The following CPNE7 variants were observed in gnomAD, a reference collection of about 807,000 sequenced individuals.
The protein encoded by CPNE7 is copine-7.
In CPNE7, 78 loss-of-function variants were observed where a neutral mutation model predicts 66.5. That is an observed-to-expected ratio of 1.17 (90% CI 0.98 to 1.42). The LOEUF is 1.42. Among genes scored for constraint, CPNE7 ranks in the 40% most tolerant of loss-of-function variants. The pLI is 0.00. For synonymous variants in CPNE7, 468 were observed against 336.7 expected (o/e 1.39, Z -4.27); for missense variants, 1,012 against 776.6 (o/e 1.30, Z -3.60).
intron 2 of CPNE7, among the ~76,000 whole-genome samples, chr16:89,582,869 T>C (rs976717730): frequency 2.0e-5 from 3 of 152,244 alleles, no homozygotes; most frequent in African/African-American, 7.2e-5. Context: ...CGATGGTTGC[T>C]GAGATCACTT....
chr16:89,584,025 C>T lies in CPNE7; in HGVS notation c.433-3C>T. ...GCCTGGAGCCCGGGCGTCCCCCTGC[C>T]AGGTGATCGCCGAGGACATCTCGGG... is the stretch of plus-strand genomic sequence containing the variant. On this transcript the variant is annotated splice_region_variant and splice_polypyrimidine_tract_variant and intron_variant, in intron 3 of 14. Transcript: ENST00000319518. The surrounding 1 kb of genome is among the most constrained non-coding windows in gnomAD (Gnocchi z 6.0). 3 of 1,611,954 alleles carry T rather than the reference C, an allele frequency of 1.9e-6. No homozygotes were observed. The highest frequency in any genetic ancestry group is 2.5e-6 in the Non-Finnish European group (3 of 1,179,572).
chr16:89,578,427 T>A (rs189468721), intron 2 of CPNE7, among the ~76,000 whole-genome samples: 2 of 152,244 alleles, frequency 1.3e-5, no homozygotes, highest in African/African-American at 4.8e-5. Context: ...GCGTTTTCAC[T>A]TCCACGACGT....
rs1567968990 is a variant in CPNE7, at chr16:89,595,609, T to C, written c.1539+6T>C. 6.3e-7 allele frequency: 1 copy of C among 1,595,478 alleles called. No individual in the cohort carries two copies. Among genetic ancestry groups the C allele is most frequent in the Admixed American group, 1.7e-5 (1 of 59,216 alleles). On this transcript the variant is annotated splice_donor_region_variant and intron_variant, in intron 14 of 14. Transcript: ENST00000319518. The stretch of plus-strand genomic sequence containing the variant: ...CCTTCCGGGAGCTCAAGAACGTGAG[T>C]GTCCTGGAGGGGCTCCGTCAAGGCC...
chr16:89,592,824 T>TC lies in CPNE7; in HGVS notation c.1302+1564_1302+1565insC, dbSNP rs1307428504. Among the ~76,000 whole-genome samples the TC allele has an allele frequency of 9.7e-4, 143 of 147,970 alleles. 3 individuals are homozygous for TC. The highest frequency in any genetic ancestry group is 3.4e-3 in the Middle Eastern group (1 of 294). ...TTTTTTCTTTTCTTTTTTTTTTTTT[T>TC]TTTTTGAGATGGAGTTTTACTCTTG... On this transcript the variant is annotated intron_variant, in intron 13 of 14. Coordinates refer to ENST00000319518, the MANE Select transcript of CPNE7 (RefSeq NM_153636.3).
At chr16:89,583,856 G>A (rs1029926421) in intron 3 of CPNE7, 85 bp downstream of exon 3, 28 of 1,518,238 alleles carry the variant, frequency 1.8e-5, no homozygotes, top group African/African-American at 2.7e-5. Context: ...GGGCAGCAGC[G>A]TGCCGTCCAG....
At chr16:89,590,180 C>T (rs1319435580) in intron 11 of CPNE7, among the ~76,000 whole-genome samples, 1 of 152,212 alleles carries the variant, frequency 6.6e-6, no homozygotes, top group African/African-American at 2.4e-5. Flanking sequence ...CGTGTTCCTT[C>T]AGGAGATAGG....
Position 89,591,156 on chromosome 16 carries a change from A to C in CPNE7, c.1198A>C (p.Asn400His). ...CCAGGGCGTGGTGGAGGCCTACCAGAACTGCCTGCCCAGGGTCCAGCTCTA... is the reference window on the plus strand; with the variant it reads ...CCAGGGCGTGGTGGAGGCCTACCAGCACTGCCTGCCCAGGGTCCAGCTCTA... ...GIQGVVEAYQNCLPRVQLYGP... is the reference protein window; with the variant it reads ...GIQGVVEAYQHCLPRVQLYGP... The change falls in exon 13 of 15, where the codon AAC (asparagine) becomes CAC (histidine). Residue 400 changes from asparagine to histidine, a missense_variant. Coordinates refer to ENST00000319518, the MANE Select transcript of CPNE7 (RefSeq NM_153636.3). 1.9e-6 allele frequency: 3 copies of C among 1,609,742 alleles called. No individual in the cohort carries two copies. The highest frequency in any genetic ancestry group is 2.2e-5 in the South Asian group (2 of 90,686).
At chr16:89,591,758 GAT>G in intron 13 of CPNE7, among the ~76,000 whole-genome samples, 1 of 151,866 alleles carries the variant, frequency 6.6e-6, no homozygotes, top group African/African-American at 2.4e-5. Flanking sequence ...GGAGTGCAGT[GAT>G]GTGATCCCAG....
chr16:89,586,504 G>A (rs368927912), intron 7 of CPNE7, among the ~76,000 whole-genome samples, 166 bp from the exon 8 acceptor site: 36 of 151,832 alleles, frequency 2.4e-4, no homozygotes, highest in African/African-American at 5.6e-4. Context: ...CTTCATTCCC[G>A]TATGACCCAC....
intron 11 of CPNE7, among the ~76,000 whole-genome samples, chr16:89,590,211 C>T (rs1415084132): frequency 1.3e-5 from 2 of 152,232 alleles, no homozygotes; most frequent in Non-Finnish European, 2.9e-5. Context: ...AGTGTGGAAT[C>T]CTCTATTGCA....
chr16:89,590,224 TAAC>T (rs2059147308), intron 11 of CPNE7, among the ~76,000 whole-genome samples: 1 of 152,144 alleles, frequency 6.6e-6, no homozygotes, highest in Non-Finnish European at 1.5e-5. Flanking sequence ...CTATTGCACA[TAAC>T]AATTCAGCTA....
intron 2 of CPNE7, among the ~76,000 whole-genome samples, chr16:89,578,629 A>T (rs2058898265): frequency 6.7e-6 from 1 of 150,038 alleles, no homozygotes; most frequent in Non-Finnish European, 1.5e-5. Flanking sequence ...GCATGGTGGC[A>T]TGTGCCTGTA....
chr16:89,593,541 A>G (rs1017274141), intron 13 of CPNE7, among the ~76,000 whole-genome samples: 8 of 151,910 alleles, frequency 5.3e-5, no homozygotes, highest in Admixed American at 4.6e-4. Flanking sequence ...TTTAGTAGAG[A>G]CGGGGTTTCA....
rs751454708 is a variant in CPNE7 at position 89,588,666 on chromosome 16, C to T, written c.928-9C>T. The T allele has an allele frequency of 9.9e-6, 16 of 1,613,000 alleles. No homozygotes were observed. Among genetic ancestry groups the T allele is most frequent in the Non-Finnish European group, 1.4e-5 (16 of 1,179,916 alleles). ...CCCAGCACAGCTCCTGGCTCCCGGC[C>T]CACTGCAGGTGGCCATTGACTTCAC... On this transcript the variant is annotated splice_polypyrimidine_tract_variant and intron_variant, in intron 9 of 14. Transcript: ENST00000319518.
At chr16:89,589,989 C>G (rs778444903) in intron 11 of CPNE7, 38 bp downstream of exon 11, 5 of 1,609,198 alleles carry the variant, frequency 3.1e-6, no homozygotes, top group Non-Finnish European at 4.2e-6. Flanking sequence ...AGAGCTGTGC[C>G]CTTCTCGTGC....
intron 2 of CPNE7, among the ~76,000 whole-genome samples, chr16:89,583,141 G>A (rs1198613196): frequency 2.6e-5 from 4 of 152,222 alleles, no homozygotes; most frequent in African/African-American, 9.6e-5. Flanking sequence ...AGTCCACTTC[G>A]AACAATCAAC....
At chr16:89,582,357 A>T (rs1035601254) in intron 2 of CPNE7, among the ~76,000 whole-genome samples, 1 of 152,172 alleles carries the variant, frequency 6.6e-6, no homozygotes, top group Non-Finnish European at 1.5e-5. Flanking sequence ...GCGATCTCGT[A>T]TTTCCTGGTA....
chr16:89,577,379 G>A (rs902253768), intron 1 of CPNE7, among the ~76,000 whole-genome samples, 160 bp from the exon 2 acceptor site: 1 of 152,164 alleles, frequency 6.6e-6, no homozygotes, highest in Non-Finnish European at 1.5e-5. Flanking sequence ...GGTGGCCCTC[G>A]GGATTGTGGT....
Position 89,591,133 on chromosome 16 carries a change from A to C in CPNE7, c.1175A>C (p.Gln392Pro). The change falls in exon 13 of 15, where the codon CAG becomes CCG. Residue 392 changes from glutamine (Q) to proline (P), a missense_variant. Coordinates refer to ENST00000319518, the MANE Select transcript of CPNE7 (RefSeq NM_153636.3). ...NPEDDECEGI[Q>P]GVVEAYQNCL... ...CACCCCCTGCCCCCCACAGGCATCC[A>C]GGGCGTGGTGGAGGCCTACCAGAAC... 2 of 1,612,118 alleles carry C rather than the reference A, an allele frequency of 1.2e-6. No individual in the cohort carries two copies. The highest frequency in any genetic ancestry group is 1.7e-6 in the Non-Finnish European group (2 of 1,179,452).
Sources: gnomAD v4.1 joint callset for allele counts (sites outside exome capture counted in the v4.1 genomes callset) on GRCh38, gnomAD v4.1.1 for gene constraint, Gnocchi (gnomAD v3.1) non-coding constraint, MANE v1.5 for transcripts, NCBI Gene and HGNC (gene_info 2026-07-23, HGNC 2026-07-21) for gene names.